The following SLC25A17 variants were observed in gnomAD, a reference collection of about 807,000 sequenced individuals.
SLC25A17 encodes solute carrier family 25 member 17.
Under a neutral mutation model 38.5 loss-of-function variants are expected in SLC25A17, and 26 were observed. That is an observed-to-expected ratio of 0.68 (90% CI 0.50 to 0.94). The LOEUF is 0.94. Ranked by LOEUF, SLC25A17 falls within the 40% of genes least tolerant of loss-of-function variation. SLC25A17 has a pLI of 0.00. For missense variants in SLC25A17, 333 were observed against 372.7 expected (o/e 0.89, Z 0.88); for synonymous variants, 139 against 136.2 (o/e 1.02, Z -0.14).
chr22:40,817,849 G>A (rs915924053), intron 1 of SLC25A17, among the ~76,000 whole-genome samples: 5 of 152,106 alleles, frequency 3.3e-5, no homozygotes, highest in African/African-American at 1.2e-4. Context: ...CCTCCACTCC[G>A]GAAACACAGG....
intron 5 of SLC25A17, among the ~76,000 whole-genome samples, chr22:40,778,415 A>T (rs1207663378): frequency 1.3e-5 from 2 of 152,150 alleles, no homozygotes; most frequent in East Asian, 3.9e-4. Flanking sequence ...GAATATGCTC[A>T]TGCTGGTCCC....
intron 1 of SLC25A17, among the ~76,000 whole-genome samples, chr22:40,804,108 C>A (rs2057508218): frequency 6.6e-6 from 1 of 152,116 alleles, no homozygotes. Flanking sequence ...TGAGCCCAGG[C>A]CCTGTTCCTC....
At chr22:40,803,607 C>A (rs965807311) in intron 1 of SLC25A17, among the ~76,000 whole-genome samples, 1 of 152,072 alleles carries the variant, frequency 6.6e-6, no homozygotes, top group South Asian at 2.1e-4. Context: ...CTGCAATTAA[C>A]ACAGATATGC....
At chr22:40,791,769 G>C (rs932659929) in intron 4 of SLC25A17, among the ~76,000 whole-genome samples, 9 of 152,148 alleles carry the variant, frequency 5.9e-5, no homozygotes, top group African/African-American at 2.2e-4. Flanking sequence ...GGAAATATGG[G>C]AACTTCTGTG....
chr22:40,770,750 C>A lies in SLC25A17; in HGVS notation c.*84G>T. The A allele has an allele frequency of 7.1e-7, 1 of 1,410,286 alleles. No individual in the cohort carries two copies. Among genetic ancestry groups the A allele is most frequent in the Admixed American group, 2.1e-5 (1 of 48,160 alleles). 87.4% of individuals were successfully genotyped at this position (1,410,286 alleles called of 1,614,324 possible). A position where few individuals can be genotyped will look rare whatever the true frequency, so the allele number is the denominator to read the frequency against. On this transcript the variant is annotated 3_prime_UTR_variant, in exon 9 of 9. Coordinates refer to ENST00000435456, the MANE Select transcript of SLC25A17 (RefSeq NM_006358.4). ...GGGTAACATTTGTGGTGGCAGGAGC[C>A]AGAGTCAAGGGAGAATCACTTCTCT...
intron 7 of SLC25A17, among the ~76,000 whole-genome samples, chr22:40,775,956 T>A (rs904253070): frequency 7.9e-5 from 12 of 152,212 alleles, no homozygotes; most frequent in African/African-American, 2.9e-4. Context: ...TAGAGCAGCA[T>A]GAGAATGGAC....
At position 40,774,047 on chromosome 22, in the gene SLC25A17, G is replaced by A. The variant is rs563184499; in HGVS notation, c.694-28C>T. 6.2e-5 allele frequency: 88 copies of A among 1,423,248 alleles called. No individual in the cohort carries two copies. The South Asian group carries it at 1.0e-3, about 16-fold the overall frequency. The allele number at this position is 1,423,248 out of a possible 1,614,324, so 88.2% of individuals were successfully genotyped here. ...GAGGAAAGAGGGAAAAAAAACAAAA[G>A]TACTGTTGCTGTTTTTTAAAATCTT... On this transcript the variant is annotated intron_variant, in intron 7 of 8. Coordinates refer to ENST00000435456, the MANE Select transcript of SLC25A17 (RefSeq NM_006358.4).
At chr22:40,775,447 T>G (rs912467779) in intron 7 of SLC25A17, among the ~76,000 whole-genome samples, 1 of 46,680 alleles carries the variant, frequency 2.1e-5, no homozygotes, top group Non-Finnish European at 4.4e-5. Context: ...TTTTTTTTTT[T>G]TTTTTTTTTT....
chr22:40,777,306 C>T lies in SLC25A17; in HGVS notation c.519G>A (p.Leu173=). 6.2e-7 allele frequency: 1 copy of T among 1,614,144 alleles called. No individual in the cohort carries two copies. ...SALWNGTFPS[L]LLVFNPAIQF... ...GGATGGCAGGATTGAAGACCAACAGCAATGAGGGAAATGTGCCATTCCATA... is the reference window on the plus strand; with the variant it reads ...GGATGGCAGGATTGAAGACCAACAGTAATGAGGGAAATGTGCCATTCCATA... Residue 173 remains leucine, a synonymous_variant, in exon 6 of 9, where the codon TTG becomes TTA. Transcript: ENST00000435456.
chr22:40,773,411 A>T (rs974860793), intron 8 of SLC25A17, among the ~76,000 whole-genome samples: 1 of 39,196 alleles, frequency 2.6e-5, no homozygotes, highest in African/African-American at 1.1e-4. Context: ...CTCTGTCTCC[A>T]AAAAAAAAAA....
intron 4 of SLC25A17, 58 bp downstream of exon 4, chr22:40,792,467 A>T: frequency 6.9e-7 from 1 of 1,440,084 alleles, no homozygotes. Flanking sequence ...AACCTCTTAG[A>T]GGATATAAAA....
At chr22:40,783,792 G>A (rs1166944734) in intron 4 of SLC25A17, among the ~76,000 whole-genome samples, 1 of 150,956 alleles carries the variant, frequency 6.6e-6, no homozygotes, top group African/African-American at 2.4e-5. Context: ...TGCAACCTCC[G>A]CCTCCTGGGT....
chr22:40,811,861 A>ATGAGATTTGGAGGGGTCAAACATCCAAAC (rs376681596), intron 1 of SLC25A17, among the ~76,000 whole-genome samples: 2 of 152,176 alleles, frequency 1.3e-5, no homozygotes, highest in Admixed American at 6.5e-5. Flanking sequence ...ACATTTCAAC[A>ATGAGATTTGGAGGGGTCAAACATCCAAAC]TGAGATTTGG....
chr22:40,813,493 G>C (rs550272475), intron 1 of SLC25A17, among the ~76,000 whole-genome samples: 1 of 151,322 alleles, frequency 6.6e-6, no homozygotes. Context: ...AGCCGAGATC[G>C]TGCCACCGCA....
intron 1 of SLC25A17, chr22:40,817,252 C>T (rs143593229): frequency 1.3e-5 from 2 of 152,596 alleles, no homozygotes; most frequent in African/African-American, 4.8e-5. Flanking sequence ...ACTTCCTTCC[C>T]CAGAAACACT....
At chr22:40,802,940 A>G (rs1436957379) in intron 1 of SLC25A17, among the ~76,000 whole-genome samples, 2 of 152,196 alleles carry the variant, frequency 1.3e-5, no homozygotes, top group Admixed American at 6.5e-5. Flanking sequence ...TAGTGTTTCA[A>G]TGCATGTACA....
At chr22:40,785,375 C>G (rs1256073201) in intron 4 of SLC25A17, among the ~76,000 whole-genome samples, 1 of 152,216 alleles carries the variant, frequency 6.6e-6, no homozygotes, top group Non-Finnish European at 1.5e-5. Flanking sequence ...CAGAGTGAGA[C>G]TCCTTCTCAA....
In SLC25A17 at chr22:40,779,006, T is replaced by C. The variant is rs2057271658; in HGVS notation, c.451+3A>G. 1.2e-6 allele frequency: 2 copies of C among 1,608,982 alleles called. No homozygotes were observed. Among genetic ancestry groups the C allele is most frequent in the Non-Finnish European group, 1.7e-6 (2 of 1,175,446 alleles). ...AATAGGAATTCAGCAAAGAGATACT[T>C]ACCAATGATACCTTTGTAGTTTGTT... On this transcript the variant is annotated splice_donor_region_variant and intron_variant, in intron 5 of 8. Transcript: ENST00000435456.
At chr22:40,794,617 T>C in intron 2 of SLC25A17, 37 bp from the exon 3 acceptor site, 3 of 1,406,124 alleles carry the variant, frequency 2.1e-6, no homozygotes, top group Non-Finnish European at 2.9e-6. Context: ...TTTTATTAAT[T>C]AAAAAAAAAA....
Sources: gnomAD v4.1 joint callset for allele counts (sites outside exome capture counted in the v4.1 genomes callset) on GRCh38, gnomAD v4.1.1 for gene constraint, MANE v1.5 for transcripts, NCBI Gene and HGNC (gene_info 2026-07-23, HGNC 2026-07-21) for gene names.